Variants in PAN3 observed in about 807,000 individuals in gnomAD.
PAN3 encodes PAN2-PAN3 deadenylation complex subunit PAN3.
In PAN3, 19 loss-of-function variants were observed where a neutral mutation model predicts 96.2. The observed-to-expected ratio is 0.20, with a 90% CI of 0.14 to 0.29. PAN3 has a LOEUF of 0.29. Ranked by LOEUF, PAN3 falls within the 10% of genes least tolerant of loss-of-function variation. The pLI, the probability that PAN3 is intolerant of heterozygous loss-of-function variation, is 1.00. For missense variants in PAN3, 882 were observed against 1,108.1 expected, an observed-to-expected ratio of 0.80 and a Z score of 2.90; for synonymous variants, 433 against 406.6, an observed-to-expected ratio of 1.06 and a Z score of -0.78.
At chr13:28,169,149 T>C (rs1593399004) in intron 1 of PAN3, among the ~76,000 whole-genome samples, 2 of 151,078 alleles carry the variant, frequency 1.3e-5, no homozygotes, top group East Asian at 3.9e-4. Flanking sequence ...TTAAGGTCAC[T>C]CACATATCTT....
At chr13:28,289,224 G>T (rs1422862375) in intron 18 of PAN3, among the ~76,000 whole-genome samples, 1 of 152,126 alleles carries the variant, frequency 6.6e-6, no homozygotes. Flanking sequence ...TGAATTTGAT[G>T]ATTAGATGAA....
At chr13:28,206,423 A>G (rs1879374490) in intron 5 of PAN3, among the ~76,000 whole-genome samples, 1 of 148,590 alleles carries the variant, frequency 6.7e-6, no homozygotes, top group Admixed American at 6.9e-5. Context: ...TCCCAGGTTC[A>G]AGCAATTCTC....
intron 1 of PAN3, among the ~76,000 whole-genome samples, chr13:28,155,634 C>T (rs1156529566): frequency 6.6e-6 from 1 of 151,900 alleles, no homozygotes; most frequent in Non-Finnish European, 1.5e-5. Flanking sequence ...GGACATGGCC[C>T]TGGTCATTTG....
intron 6 of PAN3, among the ~76,000 whole-genome samples, chr13:28,248,312 T>G (rs1884400692): frequency 6.6e-6 from 1 of 152,190 alleles, no homozygotes; most frequent in Non-Finnish European, 1.5e-5. Context: ...TTCTGACAGT[T>G]TTTGGGTGGA....
At chr13:28,184,531 T>A (rs959995184) in intron 4 of PAN3, among the ~76,000 whole-genome samples, 1 of 152,122 alleles carries the variant, frequency 6.6e-6, no homozygotes, top group Non-Finnish European at 1.5e-5. Flanking sequence ...CTTTTTCCAC[T>A]TAAGTGATTT....
intron 6 of PAN3, among the ~76,000 whole-genome samples, chr13:28,222,826 A>G (rs1881545094): frequency 6.6e-6 from 1 of 152,128 alleles, no homozygotes; most frequent in Non-Finnish European, 1.5e-5. Flanking sequence ...TTTTAATTTA[A>G]AGTTTCTATC....
intron 5 of PAN3, among the ~76,000 whole-genome samples, chr13:28,212,983 C>G (rs1880229794): frequency 6.6e-6 from 1 of 152,076 alleles, no homozygotes; most frequent in East Asian, 1.9e-4. Flanking sequence ...GCAAAATAAA[C>G]ATGAAGAAAA....
In PAN3 at chr13:28,220,374, G is replaced by T. The variant is rs45530141; in HGVS notation, c.996G>T (p.Ala332=). Residue 332 remains alanine, a synonymous_variant, in exon 6 of 19, where the codon GCG becomes GCT. Transcript: ENST00000380958. ...SMGSPATAGL[A]PGMSLSAGSS... ...GAAGCCCTGCTACTGCTGGATTAGC[G>T]CCAGGTAAGTTGAGTAACTATTTCC... The T allele has an allele frequency of 1.2e-6, 2 of 1,613,102 alleles. No individual in the cohort carries two copies. The highest frequency in any genetic ancestry group is 1.1e-5 in the South Asian group (1 of 90,968).
At chr13:28,182,891 T>A (rs923273261) in intron 4 of PAN3, among the ~76,000 whole-genome samples, 3 of 152,226 alleles carry the variant, frequency 2.0e-5, no homozygotes, top group African/African-American at 7.2e-5. Flanking sequence ...GTTTTCTGAT[T>A]AACTTGACAT....
rs137956542 is a variant in PAN3 at position 28,274,332 on chromosome 13, G to C, written c.2049+2261G>C. On this transcript the variant is annotated intron_variant, in intron 14 of 18. Coordinates refer to ENST00000380958, the MANE Select transcript of PAN3 (RefSeq NM_175854.8). Reference sequence around the variant, plus strand: ...ATTAATTTTTCTTTATGACCTTTATGCTTCCAAAAGTGACAGATTATTGAC... The same window carrying C: ...ATTAATTTTTCTTTATGACCTTTATCCTTCCAAAAGTGACAGATTATTGAC... Among the ~76,000 whole-genome samples, 168 of 152,034 alleles carry C rather than the reference G, an allele frequency of 1.1e-3. 7 individuals are homozygous for C. In the East Asian group the frequency reaches 0.027, roughly 25 times the overall value.
chr13:28,235,998 T>A (rs977542403), intron 6 of PAN3, among the ~76,000 whole-genome samples: 1 of 151,954 alleles, frequency 6.6e-6, no homozygotes, highest in Non-Finnish European at 1.5e-5. Context: ...TCCCAGAGTA[T>A]TGGGATTACA....
At chr13:28,216,773 C>T (rs1267199059) in intron 5 of PAN3, among the ~76,000 whole-genome samples, 2 of 151,788 alleles carry the variant, frequency 1.3e-5, no homozygotes, top group African/African-American at 4.8e-5. Flanking sequence ...ACATATCTTA[C>T]GTTCCGTTAT....
chr13:28,277,210 AAAGTT>A, intron 14 of PAN3, 22 bp from the exon 15 acceptor site: 2 of 1,586,082 alleles, frequency 1.3e-6, no homozygotes, highest in Non-Finnish European at 1.7e-6. Context: ...ATGAAAATTA[AAAGTT>A]ATATTTATTC....
At chr13:28,160,039 G>T (rs546167917) in intron 1 of PAN3, among the ~76,000 whole-genome samples, 1 of 151,714 alleles carries the variant, frequency 6.6e-6, no homozygotes, top group African/African-American at 2.4e-5. Context: ...CTGGGTTCAC[G>T]TGATTCTCCT....
At chr13:28,141,473 T>TC in intron 1 of PAN3, among the ~76,000 whole-genome samples, 1 of 141,818 alleles carries the variant, frequency 7.1e-6, no homozygotes, top group Non-Finnish European at 1.6e-5. Flanking sequence ...TTTTTTTTTT[T>TC]TTTTTTTTTT....
At chr13:28,277,462 C>T (rs554892543) in intron 15 of PAN3, 86 bp downstream of exon 15, 2 of 1,366,984 alleles carry the variant, frequency 1.5e-6, no homozygotes, top group African/African-American at 1.5e-5. Context: ...TGTTTTGGTT[C>T]CCACTATTTA....
At chr13:28,156,165 TA>T (rs1052204025) in intron 1 of PAN3, among the ~76,000 whole-genome samples, 2 of 151,140 alleles carry the variant, frequency 1.3e-5, no homozygotes, top group Admixed American at 6.6e-5. Flanking sequence ...GCTAGACTGC[TA>T]ACTAGACTAA....
chr13:28,151,314 G>C (rs946378184), intron 1 of PAN3, among the ~76,000 whole-genome samples: 2 of 152,128 alleles, frequency 1.3e-5, no homozygotes, highest in Admixed American at 6.6e-5. Flanking sequence ...AGGAGATCAA[G>C]ACCATCCTGG....
At chr13:28,155,428 A>G (rs1434344824) in intron 1 of PAN3, among the ~76,000 whole-genome samples, 2 of 151,930 alleles carry the variant, frequency 1.3e-5, no homozygotes, top group Non-Finnish European at 2.9e-5. Context: ...GTCTCTACCA[A>G]AAATACAAAA....
Sources: gnomAD v4.1 joint callset for allele counts (sites outside exome capture counted in the v4.1 genomes callset) on GRCh38, gnomAD v4.1.1 for gene constraint, MANE v1.5 for transcripts, NCBI Gene and HGNC (gene_info 2026-07-23, HGNC 2026-07-21) for gene names.